The following RNF216 variants were observed in gnomAD, a reference collection of about 807,000 sequenced individuals.
RNF216 encodes E3 ubiquitin-protein ligase RNF216.
Under a neutral mutation model 110.8 loss-of-function variants are expected in RNF216, and 72 were observed. The ratio of observed to expected loss-of-function variants is 0.65; its 90% CI spans 0.54 to 0.79. The LOEUF (loss-of-function observed/expected upper bound fraction) is 0.79, where lower values mean the gene tolerates loss of function less well. Ranked by LOEUF, RNF216 falls within the 30% of genes least tolerant of loss-of-function variation. The pLI, the probability that RNF216 is intolerant of heterozygous loss-of-function variation, is 0.00. For synonymous variants in RNF216, 495 were observed against 407.5 expected (o/e 1.21, Z -2.59); for missense variants, 1,342 against 1,141.2 (o/e 1.18, Z -2.54).
chr7:5,694,336 T>C (rs1219631445), intron 13 of RNF216, among the ~76,000 whole-genome samples: 1 of 152,252 alleles, frequency 6.6e-6, no homozygotes, highest in Non-Finnish European at 1.5e-5. Context: ...AATGATATTC[T>C]CTTTAAGGAA....
intron 14 of RNF216, among the ~76,000 whole-genome samples, chr7:5,644,476 C>A (rs1787930054): frequency 6.6e-6 from 1 of 151,754 alleles, no homozygotes; most frequent in Non-Finnish European, 1.5e-5. Flanking sequence ...ATTTGTACAT[C>A]TTTCTGGAGA....
At chr7:5,759,139 T>C (rs1225362585) in intron 2 of RNF216, among the ~76,000 whole-genome samples, 1 of 152,214 alleles carries the variant, frequency 6.6e-6, no homozygotes, top group Non-Finnish European at 1.5e-5. Context: ...CTCTTGTTCC[T>C]GCTCCAGCCA....
intron 13 of RNF216, among the ~76,000 whole-genome samples, chr7:5,681,370 C>T (rs1299896577): frequency 1.3e-5 from 2 of 152,098 alleles, no homozygotes; most frequent in Non-Finnish European, 2.9e-5. Context: ...AAAAGTCATC[C>T]TTGGCCCCAA....
chr7:5,731,404 T>G (rs1167949117), intron 5 of RNF216, among the ~76,000 whole-genome samples: 1 of 145,124 alleles, frequency 6.9e-6, no homozygotes, highest in African/African-American at 2.9e-5. Context: ...AGATCATGTT[T>G]TCCTATGAAC....
intron 2 of RNF216, among the ~76,000 whole-genome samples, chr7:5,758,432 G>A (rs143993723): frequency 4.6e-5 from 7 of 152,274 alleles, no homozygotes; most frequent in Admixed American, 3.9e-4. Context: ...TGCTCTGAAA[G>A]CCAAATACAC....
intron 15 of RNF216, among the ~76,000 whole-genome samples, chr7:5,626,173 AT>A (rs1786690294): frequency 6.6e-6 from 1 of 152,230 alleles, no homozygotes; most frequent in South Asian, 2.1e-4. Flanking sequence ...AGAATTCTCT[AT>A]CAAAACCCCC....
At chr7:5,735,529 C>T (rs1033519374) in intron 5 of RNF216, among the ~76,000 whole-genome samples, 4 of 151,938 alleles carry the variant, frequency 2.6e-5, no homozygotes, top group Admixed American at 6.5e-5. Flanking sequence ...TAACTGAAAA[C>T]CAGTAACACG....
chr7:5,728,434 C>A (rs1313770637), intron 7 of RNF216, among the ~76,000 whole-genome samples: 1 of 151,866 alleles, frequency 6.6e-6, no homozygotes, highest in African/African-American at 2.4e-5. Context: ...ACCAACCAGG[C>A]GCGGTGGTGA....
chr7:5,639,605 C>T (rs986918655), intron 15 of RNF216, among the ~76,000 whole-genome samples: 1 of 151,716 alleles, frequency 6.6e-6, no homozygotes, highest in African/African-American at 2.4e-5. Context: ...GTATTACAGG[C>T]ATCCAACACC....
At chr7:5,663,584 A>AG (rs1789296148) in intron 13 of RNF216, among the ~76,000 whole-genome samples, 1 of 105,026 alleles carries the variant, frequency 9.5e-6, no homozygotes, top group African/African-American at 3.4e-5. Context: ...ACTCCACCTC[A>AG]GGAAAAAAAA....
intron 15 of RNF216, among the ~76,000 whole-genome samples, chr7:5,633,236 C>A (rs1207934584): frequency 6.6e-6 from 1 of 151,950 alleles, no homozygotes; most frequent in Non-Finnish European, 1.5e-5. Flanking sequence ...CTTGGCCTCC[C>A]GAAGTGCTGG....
chr7:5,732,130 A>T (rs1794129436), intron 5 of RNF216, among the ~76,000 whole-genome samples: 2 of 152,206 alleles, frequency 1.3e-5, no homozygotes, highest in Admixed American at 6.5e-5. Flanking sequence ...CCTATTACAG[A>T]GGGCGACAAG....
intron 2 of RNF216, among the ~76,000 whole-genome samples, chr7:5,757,928 T>C (rs538858285): frequency 6.9e-4 from 105 of 152,292 alleles, no homozygotes; most frequent in South Asian, 1.9e-3. Context: ...GCAGAGGCAA[T>C]TGGATCACTT....
chr7:5,741,362 C>T lies in RNF216; in HGVS notation c.655G>A (p.Ala219Thr), dbSNP rs561230980. ...LSNLGESAAL[A>T]DDQAIEEDCW... ...TCTTCTTCGATGGCCTGATCATCTG[C>T]TAGAGCAGCTGACTCTCCTAGATTT... Residue 219 changes from alanine to threonine, a missense_variant, in exon 4 of 17, where the codon GCA (alanine) becomes ACA (threonine). Coordinates refer to ENST00000389902, the MANE Select transcript of RNF216 (RefSeq NM_207111.4). 2 of 1,614,040 alleles carry T rather than the reference C, an allele frequency of 1.2e-6. No individual in the cohort carries two copies. The highest frequency in any genetic ancestry group is 1.3e-5 in the African/African-American group (1 of 74,926).
At chr7:5,659,829 C>T (rs1460714622) in intron 13 of RNF216, among the ~76,000 whole-genome samples, 4 of 152,162 alleles carry the variant, frequency 2.6e-5, no homozygotes, top group South Asian at 4.2e-4. Context: ...GGCTAACCTG[C>T]GATGGGGCAA....
chr7:5,665,852 T>G (rs1395962445), intron 13 of RNF216, among the ~76,000 whole-genome samples: 1 of 151,626 alleles, frequency 6.6e-6, no homozygotes, highest in African/African-American at 2.4e-5. Flanking sequence ...AATGGCATCA[T>G]GTGGACATTT....
At chr7:5,781,377 C>G (rs1425294046) in intron 1 of RNF216, among the ~76,000 whole-genome samples, 164 bp downstream of exon 1, 1 of 151,954 alleles carries the variant, frequency 6.6e-6, no homozygotes, top group African/African-American at 2.4e-5. Context: ...AGCCCCTTGG[C>G]CCGATCCCGC....
intron 4 of RNF216, among the ~76,000 whole-genome samples, chr7:5,740,042 C>T (rs954421426): frequency 6.6e-6 from 1 of 150,608 alleles, no homozygotes; most frequent in Non-Finnish European, 1.5e-5. Flanking sequence ...AAAAAACCCG[C>T]CTGGGTAAAG....
chr7:5,671,620 T>G (rs534126103), intron 13 of RNF216, among the ~76,000 whole-genome samples: 19 of 152,050 alleles, frequency 1.2e-4, no homozygotes, highest in South Asian at 4.2e-4. Flanking sequence ...CTGACCAACA[T>G]GGTGAAACAC....
Sources: gnomAD v4.1 joint callset for allele counts (sites outside exome capture counted in the v4.1 genomes callset) on GRCh38, gnomAD v4.1.1 for gene constraint, MANE v1.5 for transcripts, NCBI Gene and HGNC (gene_info 2026-07-23, HGNC 2026-07-21) for gene names.